The following SRPK2 variants were observed in gnomAD, a reference collection of about 807,000 sequenced individuals.
SRPK2 encodes SRSF protein kinase 2.
A neutral mutation model predicts 90.8 loss-of-function variants in SRPK2; 21 were observed. The observed-to-expected ratio is 0.23, with a 90% confidence interval of 0.16 to 0.33. The LOEUF is 0.33. SRPK2 is among the 10% of genes least tolerant of loss of function. The pLI, the probability that SRPK2 is intolerant of heterozygous loss-of-function variation, is 1.00. For synonymous variants in SRPK2, 288 were observed against 311.1 expected (o/e 0.93, Z 0.78); for missense variants, 620 against 869.0 (o/e 0.71, Z 3.60).
chr7:105,277,284 GC>G (rs1806649663), intron 2 of SRPK2, among the ~76,000 whole-genome samples: 1 of 152,074 alleles, frequency 6.6e-6, no homozygotes, highest in South Asian at 2.1e-4. Flanking sequence ...CACTGTGTTA[GC>G]CGGGATGGTC....
At chr7:105,359,576 G>T (rs145333565) in intron 2 of SRPK2, among the ~76,000 whole-genome samples, 1 of 152,108 alleles carries the variant, frequency 6.6e-6, no homozygotes, top group Non-Finnish European at 1.5e-5. Flanking sequence ...ATTGTCTAAC[G>T]TCAATTTGTT....
intron 3 of SRPK2, among the ~76,000 whole-genome samples, chr7:105,203,296 C>T (rs1368704631): frequency 6.6e-6 from 1 of 152,028 alleles, no homozygotes; most frequent in African/African-American, 2.4e-5. Flanking sequence ...GCCCAGTGCT[C>T]CTTTTAGATG....
intron 7 of SRPK2, among the ~76,000 whole-genome samples, chr7:105,148,204 A>G (rs1804947039): frequency 1.3e-5 from 2 of 152,330 alleles, no homozygotes; most frequent in South Asian, 2.1e-4. Flanking sequence ...GTGGATATGA[A>G]GTATCTTGTT....
At chr7:105,375,241 C>G (rs1287123419) in intron 2 of SRPK2, among the ~76,000 whole-genome samples, 3 of 152,122 alleles carry the variant, frequency 2.0e-5, no homozygotes, top group Non-Finnish European at 4.4e-5. Flanking sequence ...CAATATTAAC[C>G]CAACCCAATA....
intron 2 of SRPK2, among the ~76,000 whole-genome samples, chr7:105,310,778 A>G (rs1424917256): frequency 2.6e-5 from 4 of 152,116 alleles, no homozygotes; most frequent in South Asian, 2.1e-4. Flanking sequence ...CTTTTCCCCA[A>G]TCTTTATTCT....
intron 2 of SRPK2, among the ~76,000 whole-genome samples, chr7:105,286,607 G>A (rs553504401): frequency 6.6e-6 from 1 of 152,206 alleles, no homozygotes; most frequent in Non-Finnish European, 1.5e-5. Flanking sequence ...TCACTCTCTG[G>A]GGGTGGTAAC....
At chr7:105,223,065 C>A (rs980915325) in intron 2 of SRPK2, among the ~76,000 whole-genome samples, 1 of 152,190 alleles carries the variant, frequency 6.6e-6, no homozygotes, top group Non-Finnish European at 1.5e-5. Context: ...TGAAGTGGCC[C>A]AGCTGACCAC....
At chr7:105,373,121 A>G (rs1819883734) in intron 2 of SRPK2, among the ~76,000 whole-genome samples, 1 of 152,126 alleles carries the variant, frequency 6.6e-6, no homozygotes, top group South Asian at 2.1e-4. Flanking sequence ...TTGGACCTGT[A>G]ATACAAACAG....
chr7:105,329,055 T>C (rs78771266), intron 2 of SRPK2, among the ~76,000 whole-genome samples: 1,632 of 152,034 alleles, frequency 0.011, 23 homozygotes, highest in African/African-American at 0.037. Context: ...GTAAACAGAA[T>C]AAGAACTGCA....
At chr7:105,146,321 A>T (rs1405451733) in intron 8 of SRPK2, among the ~76,000 whole-genome samples, 172 bp downstream of exon 8, 2 of 152,236 alleles carry the variant, frequency 1.3e-5, no homozygotes, top group Non-Finnish European at 2.9e-5. Flanking sequence ...CCAATATTAA[A>T]ATATAATGTA....
intron 2 of SRPK2, among the ~76,000 whole-genome samples, chr7:105,355,272 G>A (rs570980055): frequency 6.6e-6 from 1 of 152,138 alleles, no homozygotes; most frequent in South Asian, 2.1e-4. Flanking sequence ...ACAGCAGGAG[G>A]AGTGCTAGAG....
At chr7:105,152,431 T>A (rs1173833724) in intron 7 of SRPK2, among the ~76,000 whole-genome samples, 2 of 152,192 alleles carry the variant, frequency 1.3e-5, no homozygotes, top group Non-Finnish European at 2.9e-5. Context: ...ATTACAGGCG[T>A]GAGCCACCAT....
At chr7:105,127,986 C>T (rs1801445713) in intron 13 of SRPK2, among the ~76,000 whole-genome samples, 1 of 152,168 alleles carries the variant, frequency 6.6e-6, no homozygotes, top group African/African-American at 2.4e-5. Flanking sequence ...CCCCAAGGAG[C>T]CAATACTGGG....
chr7:105,319,062 G>A (rs999765989), intron 2 of SRPK2, among the ~76,000 whole-genome samples: 6 of 151,976 alleles, frequency 3.9e-5, no homozygotes, highest in Non-Finnish European at 8.8e-5. Flanking sequence ...AATCCAAAAG[G>A]GTGAAAATTA....
chr7:105,212,656 G>C (rs1192144745), intron 2 of SRPK2, among the ~76,000 whole-genome samples: 1 of 152,196 alleles, frequency 6.6e-6, no homozygotes, highest in Non-Finnish European at 1.5e-5. Context: ...ACAAGGATTA[G>C]CTTTCTGCAA....
At chr7:105,144,223 C>A (rs566176166) in intron 9 of SRPK2, among the ~76,000 whole-genome samples, 23 of 148,518 alleles carry the variant, frequency 1.5e-4, no homozygotes, top group Admixed American at 5.4e-4. Context: ...TACAGGTGCA[C>A]ACCATCACAC....
intron 2 of SRPK2, chr7:105,269,057 A>G: frequency 7.9e-7 from 1 of 1,271,230 alleles, no homozygotes; most frequent in Non-Finnish European, 1.0e-6. Flanking sequence ...AGGCCTTGCT[A>G]AACTATGCAC....
intron 2 of SRPK2, among the ~76,000 whole-genome samples, chr7:105,379,459 G>A (rs1788972886): frequency 6.6e-6 from 1 of 152,088 alleles, no homozygotes; most frequent in South Asian, 2.1e-4. Context: ...ACTGAGGGAT[G>A]ACTGTATATT....
intron 2 of SRPK2, among the ~76,000 whole-genome samples, chr7:105,305,424 G>C (rs1183848021): frequency 6.6e-6 from 1 of 151,944 alleles, no homozygotes; most frequent in African/African-American, 2.4e-5. Flanking sequence ...TCGCACAATA[G>C]AGCGAGACTC....
Sources: gnomAD v4.1 joint callset for allele counts (sites outside exome capture counted in the v4.1 genomes callset) on GRCh38, gnomAD v4.1.1 for gene constraint, MANE v1.5 for transcripts, NCBI Gene and HGNC (gene_info 2026-07-23, HGNC 2026-07-21) for gene names.